The following ARHGEF3 variants were observed in gnomAD, a reference collection of about 807,000 sequenced individuals.
ARHGEF3 encodes the protein Rho guanine nucleotide exchange factor 3.
ARHGEF3 carries 28 observed loss-of-function variants against 63.2 expected under a neutral mutation model. The observed-to-expected ratio is 0.44, with a 90% CI of 0.33 to 0.61. The LOEUF is 0.61. Among genes scored for constraint, ARHGEF3 ranks in the 20% least tolerant of loss-of-function variants. The pLI, the probability that ARHGEF3 is intolerant of heterozygous loss-of-function variation, is 0.03. For missense variants in ARHGEF3, 533 were observed against 659.3 expected (o/e 0.81, Z 2.10); for synonymous variants, 266 against 254.2 (o/e 1.05, Z -0.44).
At chr3:57,021,867 C>T (rs1367169699) in intron 2 of ARHGEF3, among the ~76,000 whole-genome samples, 3 of 151,828 alleles carry the variant, frequency 2.0e-5, no homozygotes, top group African/African-American at 4.8e-5. Flanking sequence ...GCAGATGATA[C>T]AATTATATGT....
chr3:56,784,242 G>C (rs1297773701), intron 1 of ARHGEF3, among the ~76,000 whole-genome samples: 2 of 152,184 alleles, frequency 1.3e-5, no homozygotes, highest in South Asian at 4.1e-4. Flanking sequence ...AGTCTCTGTG[G>C]CCCTTATGGG....
At chr3:56,787,552 C>A (rs1425363329) in intron 1 of ARHGEF3, among the ~76,000 whole-genome samples, 2 of 152,052 alleles carry the variant, frequency 1.3e-5, no homozygotes, top group African/African-American at 4.8e-5. Context: ...ACCCCGTTAT[C>A]CTGTTTCATA....
At chr3:56,787,290 T>C (rs56134339) in intron 1 of ARHGEF3, among the ~76,000 whole-genome samples, 50,151 of 152,086 alleles carry the variant, frequency 0.33, 9,348 homozygotes, top group Middle Eastern at 0.57. Context: ...AAAGCAGGAC[T>C]GTGCAGAGGG....
chr3:56,952,279 C>T (rs559133103), intron 3 of ARHGEF3, among the ~76,000 whole-genome samples: 2 of 152,250 alleles, frequency 1.3e-5, no homozygotes, highest in South Asian at 2.1e-4. Flanking sequence ...TCTCTGACAG[C>T]GACCCCAAGC....
intron 1 of ARHGEF3, among the ~76,000 whole-genome samples, chr3:57,050,143 A>C (rs1278741543): frequency 1.3e-5 from 2 of 151,426 alleles, no homozygotes; most frequent in Non-Finnish European, 2.9e-5. Flanking sequence ...TTCTCCTTCC[A>C]CTCCCTTCTC....
chr3:56,737,509 A>T (rs2033712243), intron 7 of ARHGEF3, among the ~76,000 whole-genome samples, 154 bp from the exon 8 acceptor site: 1 of 149,322 alleles, frequency 6.7e-6, no homozygotes, highest in Admixed American at 6.7e-5. Flanking sequence ...AAAAAAAAAC[A>T]TAAATACTTT....
chr3:56,981,513 G>C (rs1701326656), intron 2 of ARHGEF3, among the ~76,000 whole-genome samples: 1 of 152,118 alleles, frequency 6.6e-6, no homozygotes, highest in Admixed American at 6.6e-5. Context: ...TTCACCAACA[G>C]AGCTAGTTGT....
At chr3:56,839,253 T>C (rs1433058708) in intron 4 of ARHGEF3, among the ~76,000 whole-genome samples, 1 of 152,000 alleles carries the variant, frequency 6.6e-6, no homozygotes, top group Admixed American at 6.6e-5. Context: ...AAAGGCTGGA[T>C]TATATATATA....
rs538838410 is a variant in ARHGEF3, at chr3:56,921,092, C to T, written c.129+37731G>A. Reference sequence around the variant, plus strand: ...AAAAAAAAAAACTCATGGGCCAGTGCAGTGGCTCACACCTGTAATCCCAGT... The same window carrying T: ...AAAAAAAAAAACTCATGGGCCAGTGTAGTGGCTCACACCTGTAATCCCAGT... On this transcript the variant is annotated intron_variant, in intron 3 of 12. Coordinates refer to the ARHGEF3 transcript ENST00000338458. Among the ~76,000 whole-genome samples the T allele has an allele frequency of 2.1e-5, 3 of 146,216 alleles. No homozygotes were observed. The East Asian group carries it at 6.0e-4, about 29-fold the overall frequency.
At chr3:56,871,107 G>C (rs983799421) in intron 4 of ARHGEF3, among the ~76,000 whole-genome samples, 2 of 152,104 alleles carry the variant, frequency 1.3e-5, no homozygotes, top group African/African-American at 4.8e-5. Context: ...TGGGACTGGG[G>C]CATGGTAGAG....
intron 2 of ARHGEF3, among the ~76,000 whole-genome samples, chr3:56,755,997 T>C (rs1331231143): frequency 6.6e-6 from 1 of 152,204 alleles, no homozygotes; most frequent in African/African-American, 2.4e-5. Flanking sequence ...TTATCTCAGT[T>C]GGGGTTCTGT....
chr3:56,734,897 G>A (rs749134519), intron 8 of ARHGEF3, among the ~76,000 whole-genome samples: 11 of 152,152 alleles, frequency 7.2e-5, no homozygotes, highest in Non-Finnish European at 1.5e-4. Context: ...CTGTTTTAAT[G>A]TACAGTATTT....
chr3:56,809,797 A>G (rs1490747977), intron 4 of ARHGEF3, among the ~76,000 whole-genome samples: 1 of 151,776 alleles, frequency 6.6e-6, no homozygotes, highest in Non-Finnish European at 1.5e-5. Context: ...CAGTGGTGCA[A>G]TCTCGGTTCA....
chr3:56,822,147 C>T (rs1010687529), intron 4 of ARHGEF3, among the ~76,000 whole-genome samples: 5 of 152,252 alleles, frequency 3.3e-5, no homozygotes, highest in Non-Finnish European at 7.4e-5. Flanking sequence ...GAAGAATACA[C>T]TATGTACTAG....
intron 3 of ARHGEF3, among the ~76,000 whole-genome samples, chr3:56,899,523 T>G (rs762135357): frequency 3.3e-5 from 5 of 152,250 alleles, no homozygotes; most frequent in Non-Finnish European, 7.3e-5. Context: ...CATATTTTAT[T>G]TTGATACTTA....
At chr3:56,802,364 A>AG (rs904058643), upstream of ARHGEF3, among the ~76,000 whole-genome samples, 3 of 152,130 alleles carry the variant, frequency 2.0e-5, no homozygotes, top group African/African-American at 4.8e-5. Flanking sequence ...CACATTAGAA[A>AG]GGGGTGGTGT....
chr3:57,033,214 C>T lies in ARHGEF3; in HGVS notation c.62+1874G>A, dbSNP rs190652073. 1.5e-3 allele frequency among the ~76,000 whole-genome samples: 228 copies of T among 152,260 alleles called. 1 individual carries two copies. The highest frequency in any genetic ancestry group is 6.8e-3 in the Middle Eastern group (2 of 294). ...ATGTTTCAGACCTTACAGGCATACACAGGATGACCCAGCAACTCTAATCCG... is the reference window on the plus strand; with the variant it reads ...ATGTTTCAGACCTTACAGGCATACATAGGATGACCCAGCAACTCTAATCCG... On this transcript the variant is annotated intron_variant, in intron 2 of 12. Transcript: ENST00000338458.
chr3:57,056,871 C>T (rs1704962748), intron 1 of ARHGEF3, among the ~76,000 whole-genome samples: 1 of 151,902 alleles, frequency 6.6e-6, no homozygotes, highest in South Asian at 2.1e-4. Flanking sequence ...CCTTCTATCC[C>T]ACCATGGTTC....
At chr3:56,780,560 TC>T (rs1190708868) in intron 1 of ARHGEF3, among the ~76,000 whole-genome samples, 2 of 152,260 alleles carry the variant, frequency 1.3e-5, no homozygotes, top group Non-Finnish European at 2.9e-5. Flanking sequence ...GTGTCCTTTT[TC>T]TGTTCCAGGA....
Sources: gnomAD v4.1 joint callset for allele counts (sites outside exome capture counted in the v4.1 genomes callset) on GRCh38, gnomAD v4.1.1 for gene constraint, MANE v1.5 for transcripts, NCBI Gene and HGNC (gene_info 2026-07-23, HGNC 2026-07-21) for gene names.